The following CERS6 variants were observed in gnomAD, a reference collection of about 807,000 sequenced individuals.
CERS6 encodes the protein LAG1 homolog, ceramide synthase 6.
Under a neutral mutation model 56.8 loss-of-function variants are expected in CERS6, and 26 were observed. That is an observed-to-expected ratio of 0.46 (90% confidence interval 0.34 to 0.63). The LOEUF (loss-of-function observed/expected upper bound fraction) is 0.63. Among genes scored for constraint, CERS6 ranks in the 30% least tolerant of loss-of-function variants. The pLI, the probability that CERS6 is intolerant of heterozygous loss-of-function variation, is 0.01. For synonymous variants in CERS6, 164 were observed against 173.3 expected (o/e 0.95, Z 0.42); for missense variants, 415 against 467.5 (o/e 0.89, Z 1.04).
At position 168,746,822 on chromosome 2, in the gene CERS6, A is replaced by ATAT. The variant is rs1559078628; in HGVS notation, c.846-18770_846-18769insTAT. 6.8e-3 allele frequency among the ~76,000 whole-genome samples: 233 copies of ATAT among 34,180 alleles called. 2 individuals carry two copies. The highest frequency in any genetic ancestry group is 0.01 in the Non-Finnish European group (171 of 16,296). The allele number at this position is 34,180 out of a possible 152,430, so 22.4% of individuals were successfully genotyped here. A position where few individuals can be genotyped will look rare whatever the true frequency, so the allele number is the denominator to read the frequency against. ...ATATATATATATATATATATATATAAAATCATCTTTGAAAAAATGATTATA... is the reference window on the plus strand; with the variant it reads ...ATATATATATATATATATATATATAATATAATCATCTTTGAAAAAATGATTATA... On this transcript the variant is annotated intron_variant, in intron 8 of 9. Transcript: ENST00000305747.
At chr2:168,666,482 G>A (rs78189025) in intron 4 of CERS6, among the ~76,000 whole-genome samples, 7,212 of 152,182 alleles carry the variant, frequency 0.047, 428 homozygotes, top group African/African-American at 0.14. Flanking sequence ...TCTGTTTTGT[G>A]GTTTGATGGC....
chr2:168,546,377 A>G (rs1695465467), intron 1 of CERS6, among the ~76,000 whole-genome samples: 1 of 152,200 alleles, frequency 6.6e-6, no homozygotes. Flanking sequence ...CAGAGAGCCC[A>G]GTGTACCAGG....
chr2:168,561,277 G>A lies in CERS6; in HGVS notation c.362G>A (p.Arg121His), dbSNP rs779475869. The A allele has an allele frequency of 6.2e-6, 10 of 1,613,978 alleles. No individual in the cohort carries two copies. The highest frequency in any genetic ancestry group is 3.3e-5 in the South Asian group (3 of 91,082). ...RSIQRWFRQR[R>H]NQEKPSTLTR... Reference sequence around the variant, plus strand: ...ATTCAGCGCTGGTTTCGACAAAGACGCAATCAGGAGAAGCCAAGCACGCTG... The same window carrying A: ...ATTCAGCGCTGGTTTCGACAAAGACACAATCAGGAGAAGCCAAGCACGCTG... The change falls in exon 3 of 10, where the codon CGC (arginine) becomes CAC (histidine). Residue 121 changes from arginine to histidine, a missense_variant. Coordinates refer to ENST00000305747, the MANE Select transcript of CERS6 (RefSeq NM_203463.3).
intron 8 of CERS6, among the ~76,000 whole-genome samples, chr2:168,748,055 C>T (rs1422182444): frequency 6.6e-6 from 1 of 152,116 alleles, no homozygotes; most frequent in Non-Finnish European, 1.5e-5. Flanking sequence ...TTGTGATTTT[C>T]TCATCAAAAT....
intron 1 of CERS6, among the ~76,000 whole-genome samples, chr2:168,475,147 AT>A (rs1694045781): frequency 6.6e-6 from 1 of 152,018 alleles, no homozygotes; most frequent in Non-Finnish European, 1.5e-5. Flanking sequence ...GGGAAAAGTT[AT>A]TTTTTTATAC....
chr2:168,744,670 T>C (rs898325771), intron 8 of CERS6, among the ~76,000 whole-genome samples: 2 of 152,160 alleles, frequency 1.3e-5, no homozygotes, highest in East Asian at 1.9e-4. Flanking sequence ...GAGGACAAAA[T>C]TTAAAACATT....
At chr2:168,634,352 T>C (rs936264427) in intron 4 of CERS6, among the ~76,000 whole-genome samples, 2 of 152,112 alleles carry the variant, frequency 1.3e-5, no homozygotes, top group South Asian at 2.1e-4. Flanking sequence ...AATTAACACA[T>C]TTTCCTAGGT....
At chr2:168,734,722 A>C (rs1559072777) in intron 8 of CERS6, among the ~76,000 whole-genome samples, 1 of 152,346 alleles carries the variant, frequency 6.6e-6, no homozygotes, top group African/African-American at 2.4e-5. Context: ...TTGGTTTAAA[A>C]GTTGCTTAGC....
At chr2:168,666,966 A>G (rs1685777415) in intron 4 of CERS6, among the ~76,000 whole-genome samples, 1 of 152,234 alleles carries the variant, frequency 6.6e-6, no homozygotes, top group Non-Finnish European at 1.5e-5. Flanking sequence ...ATATCATGCC[A>G]GTTAAGAGGT....
chr2:168,638,363 G>T (rs1684910589), intron 4 of CERS6, among the ~76,000 whole-genome samples: 2 of 151,364 alleles, frequency 1.3e-5, no homozygotes, highest in African/African-American at 4.9e-5. Context: ...AAACTGGTTG[G>T]ACTAAGAAAA....
intron 4 of CERS6, among the ~76,000 whole-genome samples, chr2:168,647,298 CT>C (rs1685228274): frequency 6.6e-6 from 1 of 152,050 alleles, no homozygotes; most frequent in African/African-American, 2.4e-5. Context: ...AATAGGATTG[CT>C]TTTTTGATTT....
chr2:168,728,690 G>A (rs1273223401), intron 8 of CERS6, among the ~76,000 whole-genome samples: 3 of 151,598 alleles, frequency 2.0e-5, no homozygotes, highest in African/African-American at 7.3e-5. Context: ...TTTTCCTTTT[G>A]TGACTTGAAT....
intron 4 of CERS6, 141 bp from the exon 5 acceptor site, chr2:168,690,893 A>G: frequency 1.5e-6 from 1 of 685,778 alleles, no homozygotes; most frequent in South Asian, 1.8e-5. Context: ...TCCTATGCCT[A>G]GCTGTTTTAA....
chr2:168,460,547 T>C (rs1693760482), intron 1 of CERS6, among the ~76,000 whole-genome samples: 1 of 152,178 alleles, frequency 6.6e-6, no homozygotes, highest in Admixed American at 6.5e-5. Flanking sequence ...TTTTGTTTCT[T>C]GTATTTTTCA....
chr2:168,601,045 G>C lies in CERS6; in HGVS notation c.408-29940G>C, dbSNP rs560044983. Among the ~76,000 whole-genome samples the C allele has an allele frequency of 3.5e-4, 53 of 152,222 alleles. No homozygotes were observed. In the Middle Eastern group the frequency reaches 0.01, roughly 29 times the overall value. ...CAGAATGATTACCATAGAATCCAAG[G>C]CTTCTCTGTCAGTTTCCTCACACTC... On this transcript the variant is annotated intron_variant, in intron 3 of 9. Coordinates refer to ENST00000305747, the MANE Select transcript of CERS6 (RefSeq NM_203463.3).
At chr2:168,540,649 A>G (rs914179512) in intron 1 of CERS6, among the ~76,000 whole-genome samples, 2 of 152,214 alleles carry the variant, frequency 1.3e-5, no homozygotes, top group African/African-American at 4.8e-5. Context: ...ATGTATCCCT[A>G]TTGTTAAGTG....
rs768953712 is a variant in CERS6 at position 168,715,024 on chromosome 2, C to T, written c.633C>T (p.His211=). The change falls in exon 7 of 10, where the codon CAC becomes CAT. Residue 211 remains histidine, a synonymous_variant. Coordinates refer to ENST00000305747, the MANE Select transcript of CERS6 (RefSeq NM_203463.3). ...AGGACTTTGGCATTATGTTCCTGCA[C>T]CACCTTGTATCTATTTTCTTGATTA... is the stretch of plus-strand genomic sequence containing the variant. ...KRKDFGIMFL[H]HLVSIFLITF... is the part of the protein sequence containing the mutation. 3.1e-6 allele frequency: 5 copies of T among 1,608,404 alleles called. No individual in the cohort carries two copies. In the South Asian group the frequency reaches 4.5e-5, roughly 14 times the overall value.
At chr2:168,765,817 T>G in intron 9 of CERS6, 69 bp downstream of exon 9, 1 of 1,355,890 alleles carries the variant, frequency 7.4e-7, no homozygotes, top group Non-Finnish European at 1.0e-6. Context: ...CTGGATCAAC[T>G]ATTTACTATT....
At chr2:168,693,546 C>T (rs1686559098) in intron 5 of CERS6, among the ~76,000 whole-genome samples, 1 of 152,118 alleles carries the variant, frequency 6.6e-6, no homozygotes, top group South Asian at 2.1e-4. Flanking sequence ...CATCCATCTG[C>T]CCTGAATATC....
Sources: allele counts gnomAD v4.1 joint callset (sites outside exome capture counted in the v4.1 genomes callset), GRCh38; gene constraint gnomAD v4.1.1; transcripts MANE v1.5; gene names NCBI Gene and HGNC (gene_info 2026-07-23, HGNC 2026-07-21).